The following KCNK2 variants were observed in gnomAD, a reference collection of about 807,000 sequenced individuals.
KCNK2 encodes the protein potassium channel subfamily K member 2.
A neutral mutation model predicts 40.5 loss-of-function variants in KCNK2; 21 were observed. The observed-to-expected ratio is 0.52, with a 90% CI of 0.37 to 0.75. The LOEUF is 0.75. KCNK2 is among the 30% of genes least tolerant of loss of function. KCNK2 has a pLI of 0.00. For synonymous variants in KCNK2, 191 were observed against 202.2 expected (o/e 0.94, Z 0.47); for missense variants, 399 against 531.6 (o/e 0.75, Z 2.45).
intron 3 of KCNK2, among the ~76,000 whole-genome samples, chr1:215,136,123 G>A (rs116285696): frequency 2.9e-3 from 440 of 151,176 alleles, no homozygotes; most frequent in African/African-American, 0.01. Flanking sequence ...TTTACTTCTG[G>A]AGGCAGAGTC....
chr1:215,126,730 A>G (rs936735540), intron 3 of KCNK2, among the ~76,000 whole-genome samples: 7 of 152,080 alleles, frequency 4.6e-5, no homozygotes, highest in African/African-American at 1.7e-4. Flanking sequence ...TACCAGCCTT[A>G]CTCCAAATTA....
intron 3 of KCNK2, among the ~76,000 whole-genome samples, chr1:215,152,849 T>G (rs1662742132): frequency 6.6e-6 from 1 of 152,228 alleles, no homozygotes; most frequent in Non-Finnish European, 1.5e-5. Context: ...GTTACTTACA[T>G]GTTTTTAAAA....
At chr1:215,173,133 C>A (rs1663795510) in intron 5 of KCNK2, among the ~76,000 whole-genome samples, 1 of 152,138 alleles carries the variant, frequency 6.6e-6, no homozygotes, top group Admixed American at 6.5e-5. Context: ...CTCCACCCCA[C>A]AACAGGCCCT....
intron 6 of KCNK2, among the ~76,000 whole-genome samples, chr1:215,220,596 A>G (rs1666132087): frequency 6.6e-6 from 1 of 152,086 alleles, no homozygotes; most frequent in Admixed American, 6.5e-5. Flanking sequence ...GCTCCATTTC[A>G]CTGCTTTGGG....
At chr1:215,141,934 C>T (rs543280290) in intron 3 of KCNK2, among the ~76,000 whole-genome samples, 1 of 152,162 alleles carries the variant, frequency 6.6e-6, no homozygotes, top group East Asian at 1.9e-4. Flanking sequence ...TTCAAAGACG[C>T]TGGAAAATTT....
At chr1:215,142,565 C>T (rs897012592) in intron 3 of KCNK2, among the ~76,000 whole-genome samples, 14 of 151,856 alleles carry the variant, frequency 9.2e-5, no homozygotes, top group Non-Finnish European at 1.8e-4. Flanking sequence ...TGTTTTTTTA[C>T]GTTACTTGTT....
chr1:215,134,110 GAAA>G (rs112080577), intron 3 of KCNK2, among the ~76,000 whole-genome samples: 1 of 150,432 alleles, frequency 6.6e-6, no homozygotes, highest in Non-Finnish European at 1.5e-5. Flanking sequence ...GGGTGTAAAA[GAAA>G]AAAAAAATTC....
intron 2 of KCNK2, among the ~76,000 whole-genome samples, chr1:215,092,446 A>T (rs796718801): frequency 5.3e-5 from 8 of 152,306 alleles, no homozygotes; most frequent in African/African-American, 1.9e-4. Context: ...AGCAGGGCTT[A>T]CAGATCCACA....
intron 2 of KCNK2, among the ~76,000 whole-genome samples, chr1:215,117,196 T>A (rs1287454203): frequency 6.6e-6 from 1 of 151,970 alleles, no homozygotes; most frequent in African/African-American, 2.4e-5. Context: ...ATGTAATGAG[T>A]CACAAAATTT....
At chr1:215,047,801 G>A (rs1052617341) in intron 1 of KCNK2, among the ~76,000 whole-genome samples, 6 of 152,122 alleles carry the variant, frequency 3.9e-5, no homozygotes, top group Non-Finnish European at 8.8e-5. Flanking sequence ...TACATGGAAT[G>A]AAATATTTCA....
chr1:215,086,740 A>G, intron 2 of KCNK2, 62 bp downstream of exon 2: 1 of 1,473,028 alleles, frequency 6.8e-7, no homozygotes, highest in Non-Finnish European at 9.4e-7. Context: ...TGATAGGAGG[A>G]GACAACTTGT....
intron 5 of KCNK2, among the ~76,000 whole-genome samples, chr1:215,172,755 C>T (rs1321950912): frequency 3.9e-5 from 6 of 152,026 alleles, no homozygotes; most frequent in Non-Finnish European, 8.8e-5. Context: ...CTCCTGGGTT[C>T]GAGTGATTCT....
intron 1 of KCNK2, among the ~76,000 whole-genome samples, chr1:215,026,909 G>A (rs949660419): frequency 6.6e-6 from 1 of 151,904 alleles, no homozygotes; most frequent in Admixed American, 6.6e-5. Context: ...TGAAAACAGG[G>A]CATGTAATTT....
chr1:215,063,043 A>G (rs1159063603), intron 1 of KCNK2, among the ~76,000 whole-genome samples: 1 of 152,192 alleles, frequency 6.6e-6, no homozygotes, highest in Non-Finnish European at 1.5e-5. Context: ...GCAATGCTCA[A>G]TCTTGGAAAG....
intron 6 of KCNK2, among the ~76,000 whole-genome samples, chr1:215,200,306 T>C (rs192296458): frequency 8.7e-4 from 132 of 152,322 alleles, no homozygotes; most frequent in Non-Finnish European, 1.6e-3. Flanking sequence ...AATTACCTGG[T>C]GGCAGCATTT....
chr1:215,107,519 CTGT>C (rs1292543636), intron 2 of KCNK2, among the ~76,000 whole-genome samples: 1 of 152,040 alleles, frequency 6.6e-6, no homozygotes. Flanking sequence ...TTGTTACTTT[CTGT>C]TGTTTTGATG....
chr1:215,234,964 C>T lies in KCNK2; in HGVS notation c.1100C>T (p.Ala367Val). ...RATSIKRKLS[A>V]ELAGNHNQEL... ...ACCTCCATCAAGCGGAAGCTCTCGG[C>T]AGAACTGGCTGGAAACCACAATCAG... The change falls in exon 7 of 7, where the codon GCA becomes GTA. Residue 367 changes from alanine to valine, a missense_variant. By Grantham distance (64) the Ala-to-Val change is moderately conservative (BLOSUM62 0). Around this residue, in one of 3 missense-constraint regions of KCNK2, gnomAD observed 103 missense variants for 124.3 expected, o/e 0.83. Transcript: ENST00000444842. The T allele has an allele frequency of 1.2e-6, 2 of 1,614,024 alleles. No homozygotes were observed. Among genetic ancestry groups the T allele is most frequent in the South Asian group, 1.1e-5 (1 of 91,072 alleles).
chr1:215,025,353 A>G (rs1656967265), intron 1 of KCNK2, among the ~76,000 whole-genome samples: 1 of 152,042 alleles, frequency 6.6e-6, no homozygotes, highest in Admixed American at 6.6e-5. Flanking sequence ...TGTAAGTGAT[A>G]TTATTATAAG....
chr1:215,155,115 TG>T (rs1662858933), intron 3 of KCNK2, among the ~76,000 whole-genome samples: 1 of 152,194 alleles, frequency 6.6e-6, no homozygotes, highest in Admixed American at 6.5e-5. Context: ...TAATATTTAG[TG>T]TATAATGTGA....
Sources: gnomAD v4.1 joint callset for allele counts (sites outside exome capture counted in the v4.1 genomes callset) on GRCh38, gnomAD v4.1.1 for gene constraint, gnomAD v4.1.1 regional missense constraint, MANE v1.5 for transcripts, NCBI Gene and HGNC (gene_info 2026-07-23, HGNC 2026-07-21) for gene names.